Variants in ESPNL observed in about 807,000 individuals in gnomAD.
The protein encoded by ESPNL is espin like.
In ESPNL, 49 loss-of-function variants were observed where a neutral mutation model predicts 46.8. The observed-to-expected ratio is 1.05, with a 90% CI of 0.83 to 1.33. ESPNL has a LOEUF of 1.33. Among genes scored for constraint, ESPNL ranks in the 40% most tolerant of loss-of-function variants. ESPNL has a pLI of 0.00. For synonymous variants in ESPNL, 664 were observed against 662.1 expected (o/e 1.00, Z -0.04); for missense variants, 1,540 against 1,436.6 (o/e 1.07, Z -1.16).
chr2:238,117,096 G>T, intron 5 of ESPNL, 62 bp downstream of exon 5: 2 of 1,540,376 alleles, frequency 1.3e-6, no homozygotes, highest in South Asian at 1.2e-5. Context: ...CCCCAGCCAG[G>T]ACCCCACTGC....
rs1192509571 is a variant in ESPNL at position 238,131,431 on chromosome 2, A to T, written c.2717A>T (p.Asp906Val). 1.2e-6 allele frequency: 2 copies of T among 1,609,020 alleles called. No individual in the cohort carries two copies. Among genetic ancestry groups the T allele is most frequent in the Non-Finnish European group, 1.7e-6 (2 of 1,178,092 alleles). The change falls in exon 9 of 9, where the codon GAC becomes GTC. Residue 906 changes from aspartate (D) to valine (V), a missense_variant. By Grantham distance (152) the Asp-to-Val change is radical. Coordinates refer to ENST00000343063, the MANE Select transcript of ESPNL (RefSeq NM_194312.4). The part of the protein sequence containing the change: ...AVRAFHKAVT[D>V]EVAAGRRAWT... ...CGCGCCTTCCACAAGGCCGTGACCGACGAGGTGGCCGCCGGCCGCCGGGCC... is the reference window on the plus strand; with the variant it reads ...CGCGCCTTCCACAAGGCCGTGACCGTCGAGGTGGCCGCCGGCCGCCGGGCC...
intron 3 of ESPNL, among the ~76,000 whole-genome samples, chr2:238,106,655 G>A (rs771773205): frequency 6.6e-6 from 1 of 152,204 alleles, no homozygotes; most frequent in Non-Finnish European, 1.5e-5. Flanking sequence ...CCCAAACTAT[G>A]CCTGGCTCCT....
intron 8 of ESPNL, 95 bp downstream of exon 8, chr2:238,128,999 A>C (rs1333861857): frequency 1.4e-6 from 2 of 1,458,268 alleles, no homozygotes; most frequent in Non-Finnish European, 1.8e-6. Flanking sequence ...CCAGAACTGA[A>C]TCCAAGACCC....
At position 238,114,407 on chromosome 2, in the gene ESPNL, A is replaced by T. The variant is rs1691772757; in HGVS notation, c.856-2496A>T. On this transcript the variant is annotated intron_variant, in intron 4 of 8. Coordinates refer to ENST00000343063, the MANE Select transcript of ESPNL (RefSeq NM_194312.4). The surrounding 1 kb of genome is among the most constrained non-coding windows in gnomAD (Gnocchi z 5.0). ...TCTTCCCAGCAACAGCTCCTTGGGG[A>T]CGCTCCGCCTCCACCCACCCACACA... Among the ~76,000 whole-genome samples, 1 of 151,658 alleles carries T rather than the reference A, an allele frequency of 6.6e-6. No individual in the cohort carries two copies. The highest frequency in any genetic ancestry group is 2.4e-5 in the African/African-American group (1 of 41,224).
intron 2 of ESPNL, among the ~76,000 whole-genome samples, chr2:238,103,764 T>C (rs560020719): frequency 2.6e-4 from 39 of 152,230 alleles, no homozygotes; most frequent in Non-Finnish European, 1.0e-4. Flanking sequence ...GCACATTCCA[T>C]GAGGGAGTGG....
At chr2:238,108,230 G>A (rs1691642292) in intron 4 of ESPNL, among the ~76,000 whole-genome samples, 2 of 152,216 alleles carry the variant, frequency 1.3e-5, no homozygotes, top group Admixed American at 1.3e-4. Context: ...GCCTGGTCAG[G>A]GCTTGGTCTT....
rs73098392 is a variant in ESPNL at position 238,115,308 on chromosome 2, C to T, written c.856-1595C>T. ...GAGGATTCCCCCAGGACAAGGCACT[C>T]GCCCTCGAGGTCTCAAGCTGACCTG... is the stretch of plus-strand genomic sequence containing the variant. On this transcript the variant is annotated intron_variant, in intron 4 of 8. Transcript: ENST00000343063. 8.4e-3 allele frequency among the ~76,000 whole-genome samples: 1,281 copies of T among 152,322 alleles called. 24 individuals are homozygous for T. The highest frequency in any genetic ancestry group is 0.028 in the African/African-American group (1,172 of 41,566).
intron 4 of ESPNL, among the ~76,000 whole-genome samples, chr2:238,115,413 T>C (rs1691795067): frequency 6.6e-6 from 1 of 152,236 alleles, no homozygotes; most frequent in Non-Finnish European, 1.5e-5. Context: ...GCAGGTGTCC[T>C]TACTTTACAG....
chr2:238,127,614 C>G lies in ESPNL; in HGVS notation c.1103-8C>G. On this transcript the variant is annotated splice_polypyrimidine_tract_variant and splice_region_variant and intron_variant, in intron 6 of 8. Coordinates refer to ENST00000343063, the MANE Select transcript of ESPNL (RefSeq NM_194312.4). ...CCCTTTCTGCAACACCCTTCTTCTT[C>G]TTGGCAGCCATGTCCCTCAGCCCGG... is the stretch of plus-strand genomic sequence containing the variant. 6.3e-7 allele frequency: 1 copy of G among 1,597,226 alleles called. No homozygotes were observed. Among genetic ancestry groups the G allele is most frequent in the Non-Finnish European group, 8.5e-7 (1 of 1,172,318 alleles).
chr2:238,128,939 G>C, intron 8 of ESPNL, 35 bp downstream of exon 8: 1 of 1,514,206 alleles, frequency 6.6e-7, no homozygotes, highest in Non-Finnish European at 8.8e-7. Context: ...CAGTGGGCGG[G>C]GCGGGGCCTT....
At chr2:238,125,694 G>A (rs569767974) in intron 6 of ESPNL, among the ~76,000 whole-genome samples, 20 of 152,368 alleles carry the variant, frequency 1.3e-4, no homozygotes, top group African/African-American at 4.1e-4. Flanking sequence ...AGCACACCTC[G>A]CATGCATGGG....
rs751371505 is a variant in ESPNL at position 238,131,858 on chromosome 2, A to G, written c.*126A>G. ...AAGGCTGCCTCCAGTCCTACCAGTT[A>G]TCGGAGGCTGCGGGACTGTTCTGTT... On this transcript the variant is annotated 3_prime_UTR_variant, in exon 9 of 9. Coordinates refer to ENST00000343063, the MANE Select transcript of ESPNL (RefSeq NM_194312.4). The G allele has an allele frequency of 9.5e-7, 1 of 1,047,752 alleles. No homozygotes were observed. Among genetic ancestry groups the G allele is most frequent in the Non-Finnish European group, 1.4e-6 (1 of 713,308 alleles). The allele number at this position is 1,047,752 out of a possible 1,614,324, so 64.9% of individuals were successfully genotyped here. A position where few individuals can be genotyped will look rare whatever the true frequency, so the allele number is the denominator to read the frequency against.
intron 4 of ESPNL, among the ~76,000 whole-genome samples, chr2:238,115,725 T>G (rs917325857): frequency 8.5e-5 from 13 of 152,174 alleles, no homozygotes; most frequent in African/African-American, 3.1e-4. Context: ...CAGGCTGGAG[T>G]GCAGTGGTGC....
intron 2 of ESPNL, 82 bp from the exon 3 acceptor site, chr2:238,104,574 G>A (rs1691552706): frequency 1.4e-6 from 2 of 1,389,870 alleles, no homozygotes; most frequent in Middle Eastern, 2.7e-4. Flanking sequence ...AGGGCCAGGG[G>A]GCAGCGGTGA....
chr2:238,115,730 T>G (rs1438220527), intron 4 of ESPNL, among the ~76,000 whole-genome samples: 1 of 152,254 alleles, frequency 6.6e-6, no homozygotes, highest in Non-Finnish European at 1.5e-5. Context: ...TGGAGTGCAG[T>G]GGTGCCACCT....
intron 5 of ESPNL, among the ~76,000 whole-genome samples, chr2:238,122,455 CA>C (rs1393636714): frequency 6.6e-6 from 1 of 152,160 alleles, no homozygotes; most frequent in African/African-American, 2.4e-5. Flanking sequence ...AATGGAGGCT[CA>C]GGGGGTGGCG....
chr2:238,101,690 A>G (rs1447510528), intron 1 of ESPNL, among the ~76,000 whole-genome samples: 1 of 152,200 alleles, frequency 6.6e-6, no homozygotes, highest in Non-Finnish European at 1.5e-5. Flanking sequence ...GGACGGGCCC[A>G]GGAGAGGGCA....
intron 4 of ESPNL, among the ~76,000 whole-genome samples, chr2:238,108,696 G>T (rs375792056): frequency 2.0e-5 from 3 of 152,176 alleles, no homozygotes; most frequent in Admixed American, 1.3e-4. Flanking sequence ...CGTGCTCCAG[G>T]CCTCTGCAAG....
intron 5 of ESPNL, 27 bp downstream of exon 5, chr2:238,117,061 TG>T: frequency 6.3e-7 from 1 of 1,591,836 alleles, no homozygotes; most frequent in Non-Finnish European, 8.6e-7. Flanking sequence ...CCAGCTGCCC[TG>T]GAGGCATGGG....
Sources: allele counts gnomAD v4.1 joint callset (sites outside exome capture counted in the v4.1 genomes callset), GRCh38; gene constraint gnomAD v4.1.1; non-coding constraint Gnocchi (gnomAD v3.1); transcripts MANE v1.5; gene names NCBI Gene and HGNC (gene_info 2026-07-23, HGNC 2026-07-21).